CASP4: variants seen among roughly 807,000 people sequenced by gnomAD.
The protein encoded by CASP4 is caspase 4.
CASP4 carries 29 observed loss-of-function variants against 41.3 expected under a neutral mutation model. The observed-to-expected ratio is 0.70, with a 90% CI of 0.52 to 0.96. The LOEUF (loss-of-function observed/expected upper bound fraction) is 0.96. CASP4 is among the 40% of genes least tolerant of loss of function. CASP4 has a pLI of 0.00. For missense variants in CASP4, 447 were observed against 460.6 expected, an observed-to-expected ratio of 0.97 and a Z score of 0.27; for synonymous variants, 185 against 158.4, an observed-to-expected ratio of 1.17 and a Z score of -1.26.
intron 1 of CASP4, among the ~76,000 whole-genome samples, chr11:104,968,163 T>C (rs1221765593): frequency 1.3e-5 from 2 of 152,158 alleles, no homozygotes; most frequent in Non-Finnish European, 2.9e-5. Context: ...CGAAAAAGGT[T>C]TGTGATCTGG....
intron 7 of CASP4, among the ~76,000 whole-genome samples, chr11:104,945,722 TC>T (rs1181298932): frequency 2.0e-5 from 3 of 152,194 alleles, no homozygotes; most frequent in African/African-American, 7.2e-5. Flanking sequence ...AATGTCTAAC[TC>T]CCACTTATCC....
chr11:104,949,648 G>C lies in CASP4; in HGVS notation c.676C>G (p.Pro226Ala), dbSNP rs138280041. 6.2e-7 allele frequency: 1 copy of C among 1,613,966 alleles called. No individual in the cohort carries two copies. The highest frequency in any genetic ancestry group is 8.5e-7 in the Non-Finnish European group (1 of 1,179,906). The change falls in exon 5 of 9, where the codon CCA (proline) becomes GCA (alanine). Residue 226 changes from proline to alanine, a missense_variant. Coordinates refer to ENST00000444739, the MANE Select transcript of CASP4 (RefSeq NM_001225.4). ...ATGGTGTCATAAAGCAGCACATCTG[G>C]TTTTTTCTCATCATGCACAGTTCCG... ...ICGTVHDEKKPDVLLYDTIFQ... is the reference protein window; with the variant it reads ...ICGTVHDEKKADVLLYDTIFQ...
chr11:104,942,880 C>G lies in CASP4; in HGVS notation c.*99G>C, dbSNP rs1246745376. The G allele has an allele frequency of 6.6e-6, 3 of 456,036 alleles. No individual in the cohort carries two copies. The highest frequency in any genetic ancestry group is 1.3e-5 in the Non-Finnish European group (3 of 226,944). The allele number at this position is 456,036 out of a possible 1,614,324, so 28.2% of individuals were successfully genotyped here. On this transcript the variant is annotated 3_prime_UTR_variant, in exon 9 of 9. Transcript: ENST00000444739. ...AAAAGACACAGTTCGTTTGTCTTCA[C>G]TTTTATTGAAATACAAAATGTTAAA...
intron 1 of CASP4, among the ~76,000 whole-genome samples, chr11:104,960,145 G>C (rs1860825511): frequency 6.6e-6 from 1 of 152,068 alleles, no homozygotes; most frequent in African/African-American, 2.4e-5. Context: ...TGTATTTCCA[G>C]CCCCTACCTT....
Position 104,949,728 on chromosome 11 carries a change from G to A in CASP4, c.596C>T (p.Ser199Phe), listed in dbSNP as rs142785141. 4 of 1,613,796 alleles carry A rather than the reference G, an allele frequency of 2.5e-6. No individual in the cohort carries two copies. In the African/African-American group the frequency reaches 4.0e-5, roughly 16 times the overall value. The part of the protein sequence containing the change: ...RAFATRPEHK[S>F]SDSTFLVLMS... ...GAGTACCAAGAATGTGCTGTCAGAG[G>A]ACTTGTGCTCTGGTCTGGTAGCAAA... The change falls in exon 5 of 9, where the codon TCC (serine) becomes TTC (phenylalanine). Residue 199 changes from serine (S) to phenylalanine (F), a missense_variant. By Grantham distance (155) the Ser-to-Phe change is radical. Coordinates refer to ENST00000444739, the MANE Select transcript of CASP4 (RefSeq NM_001225.4).
rs750903321 is a variant in CASP4 at position 104,954,972 on chromosome 11, C to T, written c.37G>A (p.Val13Met). 1.2e-6 allele frequency: 2 copies of T among 1,613,228 alleles called. No homozygotes were observed. Among genetic ancestry groups the T allele is most frequent in the African/African-American group, 1.3e-5 (1 of 74,828 alleles). ...AAATCTTTGCCCAGGGATTCCAACA[C>T]CTTAAGTGGCTTTTTTCTGTGGTTG... ...EGNHRKKPLK[V>M]LESLGKDFLT... Residue 13 changes from valine to methionine, a missense_variant, in exon 2 of 9, where the codon GTG becomes ATG. Transcript: ENST00000444739.
Position 104,948,525 on chromosome 11 carries a change from A to G in CASP4, c.925+8T>C. ...ACAAATCCCTTACTGCCACTGAAAG[A>G]TACATACGTGGCGTTGAAGAGCAGA... On this transcript the variant is annotated splice_region_variant and intron_variant, in intron 6 of 8. Transcript: ENST00000444739. The G allele has an allele frequency of 6.3e-7, 1 of 1,594,414 alleles. No individual in the cohort carries two copies. Among genetic ancestry groups the G allele is most frequent in the Non-Finnish European group, 8.6e-7 (1 of 1,167,710 alleles).
intron 3 of CASP4, chr11:104,951,395 C>T (rs577124385): frequency 4.0e-5 from 11 of 273,474 alleles, no homozygotes; most frequent in Non-Finnish European, 4.8e-5. Context: ...TCATACAAAA[C>T]GAGATGTTGT....
intron 7 of CASP4, among the ~76,000 whole-genome samples, chr11:104,945,080 G>T (rs1177056890): frequency 6.6e-6 from 1 of 152,030 alleles, no homozygotes; most frequent in Non-Finnish European, 1.5e-5. Flanking sequence ...CTAATCCAAG[G>T]TCTTTCAACA....
intron 3 of CASP4, chr11:104,951,305 A>G (rs620902): frequency 0.97 from 417,005 of 432,072 alleles, 202,867 homozygotes; most frequent in East Asian, 1. Context: ...AGGAAACTAG[A>G]TAATTCCTAT....
chr11:104,968,066 G>T (rs1419243245), intron 1 of CASP4, among the ~76,000 whole-genome samples: 1 of 151,964 alleles, frequency 6.6e-6, no homozygotes, highest in Non-Finnish European at 1.5e-5. Flanking sequence ...GGAAAAAATT[G>T]AATCACTTTA....
In CASP4 at chr11:104,944,910, C is replaced by T. The variant is rs1352733750; in HGVS notation, c.1036-59G>A. ...ACTCTTTTCAAGTCTCAGAAAGCATCTTTCACCATGTACCAGACAACACCT... is the reference window on the plus strand; with the variant it reads ...ACTCTTTTCAAGTCTCAGAAAGCATTTTTCACCATGTACCAGACAACACCT... On this transcript the variant is annotated intron_variant, in intron 7 of 8. Transcript: ENST00000444739. The T allele has an allele frequency of 5.2e-6, 6 of 1,162,520 alleles. No individual in the cohort carries two copies. In the African/African-American group the frequency reaches 9.1e-5, roughly 18 times the overall value. 72.0% of individuals were successfully genotyped at this position (1,162,520 alleles called of 1,614,324 possible). A position where few individuals can be genotyped will look rare whatever the true frequency, so the allele number is the denominator to read the frequency against.
chr11:104,968,021 AT>A (rs1406425430), intron 1 of CASP4, among the ~76,000 whole-genome samples: 1 of 152,210 alleles, frequency 6.6e-6, no homozygotes, highest in Non-Finnish European at 1.5e-5. Context: ...GAAATATTAT[AT>A]TAAAGTAGTC....
chr11:104,956,770 A>C (rs983873461), intron 1 of CASP4: 5 of 264,862 alleles, frequency 1.9e-5, no homozygotes, highest in Non-Finnish European at 2.9e-5. Context: ...ATTTGCAAAC[A>C]GTACACAGAT....
At chr11:104,951,604 T>G in intron 3 of CASP4, 2 of 442,166 alleles carry the variant, frequency 4.5e-6, no homozygotes, top group Non-Finnish European at 8.4e-6. Context: ...AATATGTTTA[T>G]TCCATGGCTA....
At chr11:104,960,362 AAG>A (rs2134654209) in intron 1 of CASP4, among the ~76,000 whole-genome samples, 1 of 152,224 alleles carries the variant, frequency 6.6e-6, no homozygotes, top group Non-Finnish European at 1.5e-5. Flanking sequence ...GTATTTTCTT[AAG>A]GGAATCCTCT....
intron 1 of CASP4, among the ~76,000 whole-genome samples, chr11:104,967,529 G>A (rs1473622028): frequency 6.6e-6 from 1 of 152,178 alleles, no homozygotes; most frequent in Non-Finnish European, 1.5e-5. Context: ...CCTGAGCAAA[G>A]TTAATTACAT....
chr11:104,953,240 G>T lies in CASP4; in HGVS notation c.263-1235C>A, dbSNP rs541863220. 2.0e-3 allele frequency among the ~76,000 whole-genome samples: 302 copies of T among 151,964 alleles called. 4 individuals are homozygous for T. The highest frequency in any genetic ancestry group is 2.3e-3 in the Non-Finnish European group (158 of 67,976). On this transcript the variant is annotated intron_variant, in intron 2 of 8. Transcript: ENST00000444739. ...CTGGCAGTGTACCTAAAGTTTCCTG[G>T]GATTGCTCTGGAGACTCCAACTGCA...
intron 1 of CASP4, among the ~76,000 whole-genome samples, chr11:104,966,208 G>A (rs1179568714): frequency 6.6e-6 from 1 of 152,148 alleles, no homozygotes; most frequent in South Asian, 2.1e-4. Flanking sequence ...AACCCACCTG[G>A]TGATTACAAA....
Sources: allele counts gnomAD v4.1 joint callset (sites outside exome capture counted in the v4.1 genomes callset), GRCh38; gene constraint gnomAD v4.1.1; transcripts MANE v1.5; gene names NCBI Gene and HGNC (gene_info 2026-07-23, HGNC 2026-07-21).